Variants in PRKAR1A observed in about 807,000 individuals in gnomAD.
PRKAR1A encodes cAMP-dependent protein kinase type I-alpha regulatory subunit.
Under a neutral mutation model 52.0 loss-of-function variants are expected in PRKAR1A, and 3 were observed. The ratio of observed to expected loss-of-function variants is 0.06; its 90% confidence interval spans 0.03 to 0.15. The LOEUF (loss-of-function observed/expected upper bound fraction) is 0.15. Ranked by LOEUF, PRKAR1A falls within the 10% of genes least tolerant of loss-of-function variation. The probability of loss-of-function intolerance (pLI) is 1.00; values close to 1 mark genes in which losing one functional copy is unlikely to be tolerated. For synonymous variants in PRKAR1A, 188 were observed against 168.4 expected (o/e 1.12, Z -0.90); for missense variants, 240 against 477.4 (o/e 0.50, Z 4.63).
At chr17:68,528,324 G>T (rs1037959159) in intron 8 of PRKAR1A, among the ~76,000 whole-genome samples, 1 of 152,140 alleles carries the variant, frequency 6.6e-6, no homozygotes, top group African/African-American at 2.4e-5. Context: ...AAGGTAACAG[G>T]CTTCTGCCAT....
At chr17:68,426,238 C>CGGGGGGGGGGGGGGG in the PRKAR1A span, 2 of 615,190 alleles carry the variant, frequency 3.3e-6, no homozygotes, top group Non-Finnish European at 4.7e-6. Context: ...CATGACCTGG[C>CGGGGGGGGGGGGGGG]GGGTGGGGAG....
chr17:68,457,489 G>C, the PRKAR1A span: 1 of 1,307,840 alleles, frequency 7.6e-7, no homozygotes, highest in South Asian at 1.9e-5. Context: ...CGCCCGCGCC[G>C]GCTCCACGGG....
At chr17:68,416,821 A>C in the PRKAR1A span, among the ~76,000 whole-genome samples, 4 of 152,042 alleles carry the variant, frequency 2.6e-5, no homozygotes, top group Non-Finnish European at 4.4e-5. Flanking sequence ...CTGATGTTTT[A>C]ACTGTTTTTT....
the PRKAR1A span, among the ~76,000 whole-genome samples, chr17:68,460,866 C>G: frequency 6.6e-6 from 1 of 152,132 alleles, no homozygotes; most frequent in South Asian, 2.1e-4. Flanking sequence ...AAAAAATTTC[C>G]CAGAAGTCCA....
At chr17:68,468,714 T>A in the PRKAR1A span, among the ~76,000 whole-genome samples, 1 of 152,210 alleles carries the variant, frequency 6.6e-6, no homozygotes, top group African/African-American at 2.4e-5. Flanking sequence ...CTGCTGAATA[T>A]CTAAAGAGGG....
the PRKAR1A span, among the ~76,000 whole-genome samples, chr17:68,503,349 C>G: frequency 6.6e-6 from 1 of 152,112 alleles, no homozygotes; most frequent in South Asian, 2.1e-4. Context: ...GCCATGTGAT[C>G]CAGAAATTGA....
At chr17:68,550,521 C>T (rs1023734397) in intron 11 of PRKAR1A, among the ~76,000 whole-genome samples, 1 of 151,950 alleles carries the variant, frequency 6.6e-6, no homozygotes, top group Non-Finnish European at 1.5e-5. Context: ...GCTGGGACTG[C>T]ATACACGCAC....
At chr17:68,460,129 A>T in the PRKAR1A span, among the ~76,000 whole-genome samples, 661 of 151,518 alleles carry the variant, frequency 4.4e-3, 7 homozygotes, top group African/African-American at 0.015. Context: ...TCAGATTTTA[A>T]TTTTTTTTTA....
At chr17:68,545,952 G>C (rs1362819664) in intron 11 of PRKAR1A, among the ~76,000 whole-genome samples, 1 of 152,004 alleles carries the variant, frequency 6.6e-6, no homozygotes, top group Non-Finnish European at 1.5e-5. Flanking sequence ...GGTGGATCAC[G>C]AGGTCAGGTG....
chr17:68,517,956 G>A (rs960504619), intron 2 of PRKAR1A, among the ~76,000 whole-genome samples: 4 of 152,220 alleles, frequency 2.6e-5, no homozygotes, highest in Non-Finnish European at 5.9e-5. Flanking sequence ...AAAACAAGGG[G>A]AGTATAGACC....
chr17:68,548,319 C>T (rs1600551338), intron 11 of PRKAR1A, among the ~76,000 whole-genome samples: 3 of 152,112 alleles, frequency 2.0e-5, no homozygotes, highest in Non-Finnish European at 4.4e-5. Flanking sequence ...CACCTGAGGT[C>T]GAGAGTTCGA....
chr17:68,433,876 G>A, the PRKAR1A span, among the ~76,000 whole-genome samples: 7,270 of 140,896 alleles, frequency 0.052, 266 homozygotes, highest in Non-Finnish European at 0.075. Flanking sequence ...TCTACCTCCT[G>A]GGTTCAAGCG....
At chr17:68,523,917 C>T in intron 4 of PRKAR1A, 99 bp from the exon 5 acceptor site, 2 of 1,574,900 alleles carry the variant, frequency 1.3e-6, no homozygotes. Context: ...AGTAATTGTT[C>T]ACCAGATGAC....
At chr17:68,417,310 G>A in the PRKAR1A span, among the ~76,000 whole-genome samples, 5 of 152,122 alleles carry the variant, frequency 3.3e-5, no homozygotes, top group East Asian at 7.7e-4. Flanking sequence ...CTGAGGGCAG[G>A]CCTTGTTAAG....
chr17:68,421,743 G>GA, the PRKAR1A span: 134 of 1,614,082 alleles, frequency 8.3e-5, 9 homozygotes, highest in South Asian at 1.1e-3. Flanking sequence ...TGATAGGGGG[G>GA]ATGTCCTGAT....
chr17:68,542,622 A>G, intron 11 of PRKAR1A: 1 of 1,177,298 alleles, frequency 8.5e-7, no homozygotes, highest in Non-Finnish European at 1.3e-6. Flanking sequence ...CAGGCCACTG[A>G]TGAATGGAGG....
intron 2 of PRKAR1A, among the ~76,000 whole-genome samples, chr17:68,520,938 T>C (rs1236782200): frequency 6.6e-6 from 1 of 152,106 alleles, no homozygotes; most frequent in Non-Finnish European, 1.5e-5. Flanking sequence ...GTGTGTTTTA[T>C]TTTATTTTTA....
the PRKAR1A span, among the ~76,000 whole-genome samples, chr17:68,424,758 T>C: frequency 6.6e-6 from 1 of 152,094 alleles, no homozygotes; most frequent in South Asian, 2.1e-4. Context: ...ACATCTGTAA[T>C]TGCAGCTACT....
downstream of PRKAR1A, chr17:68,537,460 C>A: frequency 6.2e-7 from 1 of 1,614,040 alleles, no homozygotes; most frequent in Middle Eastern, 1.7e-4. This position sits in a 1 kb window ranked among gnomAD's most constrained non-coding sequence, Gnocchi z 4.2. Context: ...TTTTCTGAAA[C>A]TGGACTCTGC....
Sources: allele counts gnomAD v4.1 joint callset (sites outside exome capture counted in the v4.1 genomes callset), GRCh38; gene constraint gnomAD v4.1.1; non-coding constraint Gnocchi (gnomAD v3.1); transcripts MANE v1.5; gene names NCBI Gene and HGNC (gene_info 2026-07-23, HGNC 2026-07-21).